The following CTNNA3 variants were observed in gnomAD, a reference collection of about 807,000 sequenced individuals.
CTNNA3 encodes the protein catenin alpha-3.
CTNNA3 carries 76 observed loss-of-function variants against 95.7 expected under a neutral mutation model. The ratio of observed to expected loss-of-function variants is 0.79; its 90% CI spans 0.66 to 0.96. The LOEUF (loss-of-function observed/expected upper bound fraction) is 0.96, where lower values mean the gene tolerates loss of function less well. Ranked by LOEUF, CTNNA3 falls within the 40% of genes least tolerant of loss-of-function variation. The probability of loss-of-function intolerance (pLI) is 0.00; values close to 1 mark genes in which losing one functional copy is unlikely to be tolerated. For missense variants in CTNNA3, 1,191 were observed against 1,089.8 expected, an observed-to-expected ratio of 1.09 and a Z score of -1.31; for synonymous variants, 431 against 374.4, an observed-to-expected ratio of 1.15 and a Z score of -1.74.
At chr10:67,601,319 C>A (rs541227797) in intron 3 of CTNNA3, among the ~76,000 whole-genome samples, 9 of 152,252 alleles carry the variant, frequency 5.9e-5, no homozygotes, top group Non-Finnish European at 1.2e-4. Flanking sequence ...TGAAACCATT[C>A]CACTTCAAAT....
chr10:66,975,843 G>A (rs953882832), intron 7 of CTNNA3, among the ~76,000 whole-genome samples: 1 of 152,132 alleles, frequency 6.6e-6, no homozygotes, highest in Non-Finnish European at 1.5e-5. Context: ...ATTAAGACTT[G>A]TCATTTTCTA....
At chr10:67,467,176 A>G (rs183035109) in intron 5 of CTNNA3, among the ~76,000 whole-genome samples, 55 of 152,236 alleles carry the variant, frequency 3.6e-4, no homozygotes, top group African/African-American at 1.3e-3. Flanking sequence ...CTGGAACCAA[A>G]TCTCATAGTA....
intron 17 of CTNNA3, among the ~76,000 whole-genome samples, chr10:65,950,253 G>C (rs949016451): frequency 2.0e-5 from 3 of 152,134 alleles, no homozygotes; most frequent in South Asian, 2.1e-4. Flanking sequence ...AATTCAGCAT[G>C]AGTCAGACTG....
chr10:65,921,517 T>G (rs2077085789), intron 17 of CTNNA3, among the ~76,000 whole-genome samples: 1 of 152,252 alleles, frequency 6.6e-6, no homozygotes, highest in African/African-American at 2.4e-5. Flanking sequence ...CGTAGGACAC[T>G]AGTCTAACTC....
At chr10:67,713,238 C>T (rs1345979166) in intron 1 of CTNNA3, among the ~76,000 whole-genome samples, 1 of 152,208 alleles carries the variant, frequency 6.6e-6, no homozygotes, top group Non-Finnish European at 1.5e-5. Context: ...GATGAGATAA[C>T]ATCTCATGCC....
At chr10:67,759,610 A>AAT (rs1340348917) in intron 1 of CTNNA3, among the ~76,000 whole-genome samples, 1 of 152,158 alleles carries the variant, frequency 6.6e-6, no homozygotes, top group Non-Finnish European at 1.5e-5. Flanking sequence ...TACACTCCCT[A>AAT]AATAATCCCC....
intron 7 of CTNNA3, among the ~76,000 whole-genome samples, chr10:66,882,020 A>C (rs141990101): frequency 7.4e-4 from 113 of 152,222 alleles, no homozygotes; most frequent in African/African-American, 2.6e-3. Flanking sequence ...TGCCAAATAC[A>C]CATGCTGATT....
At chr10:66,137,894 G>A (rs2133869013) in intron 13 of CTNNA3, among the ~76,000 whole-genome samples, 1 of 152,164 alleles carries the variant, frequency 6.6e-6, no homozygotes, top group Middle Eastern at 3.4e-3. Flanking sequence ...AGGTTGCAGT[G>A]AGCCAAGATT....
rs545007365 is a variant in CTNNA3 at position 66,867,151 on chromosome 10, G to A, written c.1048-91627C>T. On this transcript the variant is annotated intron_variant, in intron 7 of 17. Coordinates refer to ENST00000433211, the MANE Select transcript of CTNNA3 (RefSeq NM_013266.4). ...TTCTTTATAAATTACCCAGTCTCAG[G>A]TATGTCTTCATCAGCAGTGTGAAAA... is the stretch of plus-strand genomic sequence containing the variant. Among the ~76,000 whole-genome samples the A allele has an allele frequency of 2.0e-5, 3 of 150,782 alleles. No individual in the cohort carries two copies. The South Asian group carries it at 6.2e-4, about 31-fold the overall frequency.
At chr10:66,299,444 A>G (rs1371568343) in intron 12 of CTNNA3, among the ~76,000 whole-genome samples, 2 of 152,220 alleles carry the variant, frequency 1.3e-5, no homozygotes, top group Non-Finnish European at 2.9e-5. Context: ...AGAGAAAGTA[A>G]GTGCTAGAGT....
chr10:66,581,615 G>A (rs1349437253), intron 10 of CTNNA3, among the ~76,000 whole-genome samples: 1 of 151,448 alleles, frequency 6.6e-6, no homozygotes, highest in African/African-American at 2.4e-5. Context: ...TTACTGTAAT[G>A]ATTATTTATT....
intron 12 of CTNNA3, among the ~76,000 whole-genome samples, chr10:66,360,806 TTCCTTCCTTCCTTTCTTTC>T (rs2092662705): frequency 1.2e-5 from 1 of 82,584 alleles, no homozygotes; most frequent in Non-Finnish European, 2.3e-5. Flanking sequence ...CCTTCCTTCC[TTCCTTCCTTCCTTTCTTTC>T]TTTCTTTCTT....
At chr10:66,953,574 G>C (rs748393382) in intron 7 of CTNNA3, among the ~76,000 whole-genome samples, 1 of 151,980 alleles carries the variant, frequency 6.6e-6, no homozygotes, top group Non-Finnish European at 1.5e-5. Context: ...TATGACTCAT[G>C]GGTTTTGTTT....
At chr10:66,464,327 T>A (rs1047138559) in intron 11 of CTNNA3, among the ~76,000 whole-genome samples, 2 of 152,158 alleles carry the variant, frequency 1.3e-5, no homozygotes, top group African/African-American at 4.8e-5. Context: ...TGCTACTGGA[T>A]CAACTCAATC....
At chr10:66,739,657 C>G (rs904349088) in intron 9 of CTNNA3, among the ~76,000 whole-genome samples, 5 of 152,022 alleles carry the variant, frequency 3.3e-5, no homozygotes, top group African/African-American at 1.2e-4. Flanking sequence ...GTTTCATTGT[C>G]TAATAGAACC....
At chr10:66,055,921 C>CAAAAAAAAAAAAAAAAAAAAAA (rs386371652) in intron 15 of CTNNA3, among the ~76,000 whole-genome samples, 1 of 60,214 alleles carries the variant, frequency 1.7e-5, no homozygotes, top group Non-Finnish European at 3.0e-5. Context: ...GACTCCATCT[C>CAAAAAAAAAAAAAAAAAAAAAA]AAAAAAAAAA....
intron 7 of CTNNA3, among the ~76,000 whole-genome samples, chr10:66,815,528 A>C (rs1842043103): frequency 6.6e-6 from 1 of 152,132 alleles, no homozygotes; most frequent in Admixed American, 6.6e-5. Context: ...CACGATTTGA[A>C]ATATTCGAAT....
intron 9 of CTNNA3, among the ~76,000 whole-genome samples, chr10:66,650,471 A>T (rs1845854523): frequency 6.6e-6 from 1 of 152,210 alleles, no homozygotes. Flanking sequence ...TTTTGAGATA[A>T]GTGAAAAGAG....
intron 2 of CTNNA3, among the ~76,000 whole-genome samples, chr10:67,641,261 C>T (rs1839522597): frequency 6.6e-6 from 1 of 152,118 alleles, no homozygotes; most frequent in South Asian, 2.1e-4. Context: ...AAAAAATGCT[C>T]ATCATCACTG....
Sources: allele counts gnomAD v4.1 joint callset (sites outside exome capture counted in the v4.1 genomes callset), GRCh38; gene constraint gnomAD v4.1.1; transcripts MANE v1.5; gene names NCBI Gene and HGNC (gene_info 2026-07-23, HGNC 2026-07-21).